The following DENND4A variants were observed in gnomAD, a reference collection of about 807,000 sequenced individuals.
DENND4A encodes DENN domain containing 4A.
In DENND4A, 70 loss-of-function variants were observed where a neutral mutation model predicts 199.3. That is an observed-to-expected ratio of 0.35 (90% confidence interval 0.29 to 0.43). DENND4A has a LOEUF of 0.43. Among genes scored for constraint, DENND4A ranks in the 20% least tolerant of loss-of-function variants. The pLI, the probability that DENND4A is intolerant of heterozygous loss-of-function variation, is 1.00. For synonymous variants in DENND4A, 686 were observed against 766.9 expected (o/e 0.89, Z 1.74); for missense variants, 1,723 against 2,255.8 (o/e 0.76, Z 4.78).
At position 65,722,866 on chromosome 15, in the gene DENND4A, G is replaced by A. The variant is rs1369687177; in HGVS notation, c.1570C>T (p.His524Tyr). 1.9e-6 allele frequency: 3 copies of A among 1,602,458 alleles called. No homozygotes were observed. Among genetic ancestry groups the A allele is most frequent in the East Asian group, 4.5e-5 (2 of 44,058 alleles). Reference protein sequence around the residue: ...KNLMNTLNNLHQQLAKLQQRP... With the variant: ...KNLMNTLNNLYQQLAKLQQRP... Reference sequence around the variant, plus strand: ...CACTTACATTTTGCCAATTGCTGATGCAAATTATTCAGTGTGTTCATCAGA... The same window carrying A: ...CACTTACATTTTGCCAATTGCTGATACAAATTATTCAGTGTGTTCATCAGA... Residue 524 changes from histidine (H) to tyrosine (Y), a missense_variant, in exon 12 of 33, where the codon CAT becomes TAT. His to Tyr is a moderately conservative substitution (Grantham distance 83). This residue lies in a region of DENND4A where 725 missense variants were observed against 952.9 expected (regional missense o/e 0.76). Coordinates refer to ENST00000443035, the MANE Select transcript of DENND4A (RefSeq NM_001320835.1).
intron 32 of DENND4A, among the ~76,000 whole-genome samples, chr15:65,662,673 A>T (rs1406742009): frequency 1.3e-5 from 2 of 152,220 alleles, no homozygotes; most frequent in Non-Finnish European, 2.9e-5. Context: ...TGCTTATTTT[A>T]AACACATACT....
chr15:65,686,576 T>C (rs2076790094), intron 23 of DENND4A, among the ~76,000 whole-genome samples: 2 of 152,184 alleles, frequency 1.3e-5, no homozygotes, highest in Admixed American at 1.3e-4. Flanking sequence ...TAATCAATAT[T>C]TTTCAGAGAC....
intron 12 of DENND4A, among the ~76,000 whole-genome samples, chr15:65,722,642 G>A (rs1196450627): frequency 4.1e-5 from 6 of 147,712 alleles, no homozygotes; most frequent in Middle Eastern, 3.4e-3. Flanking sequence ...GCAACAGAGC[G>A]AGACTCCGTC....
intron 14 of DENND4A, among the ~76,000 whole-genome samples, chr15:65,708,591 ATC>A (rs1344775298): frequency 2.6e-5 from 4 of 152,358 alleles, no homozygotes; most frequent in African/African-American, 9.6e-5. Flanking sequence ...TCAGTTGGAC[ATC>A]TCTGTCTTTT....
intron 4 of DENND4A, among the ~76,000 whole-genome samples, chr15:65,748,055 AAAAAAAAAGG>A (rs1174596599): frequency 2.7e-5 from 4 of 148,582 alleles, no homozygotes; most frequent in African/African-American, 9.9e-5. Flanking sequence ...AAAAAAAAAA[AAAAAAAAAGG>A]AAAAAAAAAA....
At chr15:65,709,695 C>CAAAAAAAAAAAAAAAAAAAAAAAAAAAA (rs1171075195) in intron 14 of DENND4A, among the ~76,000 whole-genome samples, 1 of 36,164 alleles carries the variant, frequency 2.8e-5, no homozygotes, top group African/African-American at 1.0e-4. Context: ...AACTCCATCT[C>CAAAAAAAAAAAAAAAAAAAAAAAAAAAA]AAAAAAAAAA....
In DENND4A at chr15:65,715,504, C is replaced by T; in HGVS notation, c.1927G>A (p.Ala643Thr). ...SFVSDKDASL[A>T]FFDDCVDKVD... ...TTATCTACACAATCATCAAAAAATG[C>T]CAGGCTTGCATCTTTGTCACTAACA... Residue 643 changes from alanine (A) to threonine (T), a missense_variant, in exon 14 of 33, where the codon GCA (alanine) becomes ACA (threonine). Coordinates refer to ENST00000443035, the MANE Select transcript of DENND4A (RefSeq NM_001320835.1). 1 of 1,610,244 alleles carries T rather than the reference C, an allele frequency of 6.2e-7. No homozygotes were observed. The highest frequency in any genetic ancestry group is 8.5e-7 in the Non-Finnish European group (1 of 1,179,028).
At chr15:65,764,948 G>A (rs1334423647) in intron 1 of DENND4A, among the ~76,000 whole-genome samples, 1 of 147,012 alleles carries the variant, frequency 6.8e-6, no homozygotes, top group Non-Finnish European at 1.5e-5. Flanking sequence ...CTCCAGCCTG[G>A]GTGACAGAGC....
At chr15:65,765,988 C>T (rs60068889) in intron 1 of DENND4A, among the ~76,000 whole-genome samples, 1,915 of 152,294 alleles carry the variant, frequency 0.013, 45 homozygotes, top group African/African-American at 0.044. Flanking sequence ...CGGTGGCTCA[C>T]GCCTGTAATC....
intron 4 of DENND4A, among the ~76,000 whole-genome samples, chr15:65,746,141 C>CAAAA (rs776975727): frequency 1.0e-5 from 1 of 96,138 alleles, no homozygotes; most frequent in African/African-American, 3.7e-5. Flanking sequence ...AACTCCGTCT[C>CAAAA]AAAAAAAAAA....
At chr15:65,736,105 T>C (rs923593774) in intron 7 of DENND4A, among the ~76,000 whole-genome samples, 21 of 152,186 alleles carry the variant, frequency 1.4e-4, no homozygotes, top group African/African-American at 4.6e-4. Flanking sequence ...TTAACAAATG[T>C]GATTTTTTAA....
chr15:65,765,836 A>T (rs993494293), intron 1 of DENND4A, among the ~76,000 whole-genome samples: 1 of 152,208 alleles, frequency 6.6e-6, no homozygotes, highest in African/African-American at 2.4e-5. Context: ...AAGCACACAC[A>T]CTGCCCTCCC....
At chr15:65,663,212 A>ATT in intron 32 of DENND4A, among the ~76,000 whole-genome samples, 1 of 97,248 alleles carries the variant, frequency 1.0e-5, no homozygotes, top group African/African-American at 3.7e-5. Flanking sequence ...TTTTTTTTTT[A>ATT]TTTTTTTTTT....
At chr15:65,749,067 A>G (rs1487257257) in intron 4 of DENND4A, among the ~76,000 whole-genome samples, 4 of 151,824 alleles carry the variant, frequency 2.6e-5, no homozygotes, top group South Asian at 2.1e-4. Flanking sequence ...GAAAAAAGAG[A>G]CCCAATTGTT....
At chr15:65,752,010 T>C (rs1174047329) in intron 4 of DENND4A, among the ~76,000 whole-genome samples, 1 of 149,344 alleles carries the variant, frequency 6.7e-6, no homozygotes, top group African/African-American at 2.5e-5. Flanking sequence ...TACAAAAAAG[T>C]AGGGAGGACT....
chr15:65,720,413 A>ATTTTTTT (rs200076757), intron 12 of DENND4A, among the ~76,000 whole-genome samples: 1 of 141,254 alleles, frequency 7.1e-6, no homozygotes, highest in African/African-American at 2.6e-5. Context: ...AAAGCCTAGG[A>ATTTTTTT]TTTTTTTTTT....
At chr15:65,672,172 C>T (rs1365393127) in intron 24 of DENND4A, among the ~76,000 whole-genome samples, 2 of 152,172 alleles carry the variant, frequency 1.3e-5, no homozygotes, top group Admixed American at 1.3e-4. Flanking sequence ...GACTAGAAAA[C>T]ATTCTAGTCA....
chr15:65,717,824 G>A lies in DENND4A; in HGVS notation c.1761C>T (p.Ala587=). Residue 587 remains alanine (A), a synonymous_variant, in exon 13 of 33, where the codon GCC becomes GCT. Transcript: ENST00000443035. ...CTGCATCTGTGGCTGTCTCAGATGG[G>A]GCTTGTGTTATTGGCCTTAAGTATG... ...YRSYLRPITQ[A]PSETATDAAS... 6.2e-7 allele frequency: 1 copy of A among 1,606,584 alleles called. No individual in the cohort carries two copies. The highest frequency in any genetic ancestry group is 8.5e-7 in the Non-Finnish European group (1 of 1,176,246).
chr15:65,717,762 CTA>C lies in DENND4A; in HGVS notation c.1807+14_1807+15del. The C allele has an allele frequency of 6.4e-7, 1 of 1,569,282 alleles. No homozygotes were observed. Among genetic ancestry groups the C allele is most frequent in the Non-Finnish European group, 8.6e-7 (1 of 1,157,284 alleles). On this transcript the variant is annotated intron_variant, in intron 13 of 32. Coordinates refer to ENST00000443035, the MANE Select transcript of DENND4A (RefSeq NM_001320835.1). ...GCTCAATAACCTGAAAGCTTTAAAA[CTA>C]TGCAGTCACTCACCTTGTAGGGCAA...
Sources: allele counts gnomAD v4.1 joint callset (sites outside exome capture counted in the v4.1 genomes callset), GRCh38; gene constraint gnomAD v4.1.1; regional missense constraint gnomAD v4.1.1; transcripts MANE v1.5; gene names NCBI Gene and HGNC (gene_info 2026-07-23, HGNC 2026-07-21).